The following BHMT variants were observed in gnomAD, a reference collection of about 807,000 sequenced individuals.
The protein encoded by BHMT is betaine--homocysteine S-methyltransferase.
BHMT carries 38 observed loss-of-function variants against 49.5 expected under a neutral mutation model. The observed-to-expected ratio is 0.77, with a 90% confidence interval of 0.59 to 1.01. BHMT has a LOEUF of 1.01. BHMT is among the 50% of genes least tolerant of loss of function. The pLI, the probability that BHMT is intolerant of heterozygous loss-of-function variation, is 0.00. For missense variants in BHMT, 426 were observed against 495.7 expected, an observed-to-expected ratio of 0.86 and a Z score of 1.34; for synonymous variants, 166 against 176.3, an observed-to-expected ratio of 0.94 and a Z score of 0.46.
At chr5:79,121,495 T>TCAA in intron 5 of BHMT, 130 bp downstream of exon 5, 1 of 1,283,990 alleles carries the variant, frequency 7.8e-7, no homozygotes, top group Non-Finnish European at 1.0e-6. Context: ...TGTAAGAATA[T>TCAA]TGATATTATT....
At chr5:79,125,212 C>T (rs917717843) in intron 5 of BHMT, among the ~76,000 whole-genome samples, 4 of 151,850 alleles carry the variant, frequency 2.6e-5, no homozygotes, top group African/African-American at 9.7e-5. Flanking sequence ...AATCCCAGCA[C>T]TTTGTGAGGC....
intron 3 of BHMT, 57 bp downstream of exon 3, chr5:79,119,434 C>A: frequency 7.3e-7 from 1 of 1,376,474 alleles, no homozygotes. Flanking sequence ...ATTGCATCAA[C>A]AAAGCTCCCA....
chr5:79,116,820 G>A (rs1327789652), intron 2 of BHMT, among the ~76,000 whole-genome samples: 3 of 152,116 alleles, frequency 2.0e-5, no homozygotes, highest in Admixed American at 1.3e-4. Flanking sequence ...TAGTATAAGC[G>A]ACGTCATTGA....
At chr5:79,117,678 C>T (rs182898264) in intron 2 of BHMT, among the ~76,000 whole-genome samples, 1 of 152,180 alleles carries the variant, frequency 6.6e-6, no homozygotes, top group African/African-American at 2.4e-5. Flanking sequence ...TCATCTCCAG[C>T]GTTAGCGCTG....
intron 6 of BHMT, among the ~76,000 whole-genome samples, chr5:79,126,559 T>C (rs1332112402): frequency 1.3e-5 from 2 of 152,194 alleles, no homozygotes; most frequent in African/African-American, 4.8e-5. Context: ...TTAGTTCTAG[T>C]TCCAGCTCTG....
intron 5 of BHMT, among the ~76,000 whole-genome samples, chr5:79,121,738 C>A (rs1756476202): frequency 1.3e-5 from 2 of 150,474 alleles, no homozygotes; most frequent in South Asian, 4.2e-4. Flanking sequence ...TGGCGTGAAC[C>A]CGGGAGGCGG....
intron 5 of BHMT, 83 bp downstream of exon 5, chr5:79,121,448 A>C: frequency 2.0e-6 from 3 of 1,482,620 alleles, no homozygotes; most frequent in Non-Finnish European, 2.7e-6. Flanking sequence ...ATCAGTGTAT[A>C]CTACTTTCGT....
chr5:79,125,239 C>T (rs1219650215), intron 5 of BHMT, among the ~76,000 whole-genome samples: 2 of 151,978 alleles, frequency 1.3e-5, no homozygotes, highest in Non-Finnish European at 2.9e-5. Context: ...GGGCGGATCA[C>T]AAGGTCAGGA....
At chr5:79,124,072 C>T (rs1249666467) in intron 5 of BHMT, among the ~76,000 whole-genome samples, 1 of 151,832 alleles carries the variant, frequency 6.6e-6, no homozygotes, top group Non-Finnish European at 1.5e-5. Context: ...GTTTATATGA[C>T]ATATCTAGAA....
In BHMT at chr5:79,112,959, G is replaced by A. The variant is rs7722216; in HGVS notation, c.33+1041G>A. Reference sequence around the variant, plus strand: ...AGAGGCCCCCGGAAAATGGTAGGGAGGCAGATGGGGCCAGGCCAACTGTAT... The same window carrying A: ...AGAGGCCCCCGGAAAATGGTAGGGAAGCAGATGGGGCCAGGCCAACTGTAT... On this transcript the variant is annotated intron_variant, in intron 1 of 7. Coordinates refer to ENST00000274353, the MANE Select transcript of BHMT (RefSeq NM_001713.3). Among the ~76,000 whole-genome samples, 614 of 152,292 alleles carry A rather than the reference G, an allele frequency of 4.0e-3. 3 individuals carry two copies. The highest frequency in any genetic ancestry group is 0.014 in the African/African-American group (586 of 41,566).
chr5:79,127,912 A>G lies in BHMT; in HGVS notation c.966A>G (p.Pro322=), dbSNP rs56915878. ...EELAPERGFL[P]PASEKHGSWG... ...TGGCCCCAGAAAGGGGCTTTTTGCC[A>G]CCAGCTTCAGAAAAACATGGCAGCT... Residue 322 remains proline, a synonymous_variant, in exon 7 of 8, where the codon CCA becomes CCG. Transcript: ENST00000274353. 0.016 allele frequency: 26,103 copies of G among 1,614,002 alleles called. 288 individuals are homozygous for G. Among genetic ancestry groups the G allele is most frequent in the Non-Finnish European group, 0.02 (23,204 of 1,179,966 alleles).
intron 2 of BHMT, chr5:79,116,174 G>A (rs556663914): frequency 4.6e-5 from 11 of 240,556 alleles, no homozygotes; most frequent in African/African-American, 1.1e-4. Context: ...TATCTGCAGC[G>A]CTTTTGTAAT....
In BHMT at chr5:79,115,491, A is replaced by G. The variant is rs1263642721; in HGVS notation, c.34-276A>G. Among the ~76,000 whole-genome samples, 5 of 152,202 alleles carry G rather than the reference A, an allele frequency of 3.3e-5. No individual in the cohort carries two copies. The East Asian group carries it at 9.6e-4, about 29-fold the overall frequency. On this transcript the variant is annotated intron_variant, in intron 1 of 7. Coordinates refer to ENST00000274353, the MANE Select transcript of BHMT (RefSeq NM_001713.3). Reference sequence around the variant, plus strand: ...TCCCTCAGCAGACAGTTCTTCAAACACACCTCCCACGGTGTTCTTCAAATA... The same window carrying G: ...TCCCTCAGCAGACAGTTCTTCAAACGCACCTCCCACGGTGTTCTTCAAATA...
Position 79,120,371 on chromosome 5 carries a change from G to A in BHMT, c.307G>A (p.Ala103Thr), listed in dbSNP as rs1217349455. Reference sequence around the variant, plus strand: ...TTAGGGGCAGGAAGTCAATGAAGCTGCTTGCGACATCGCCCGACAAGTGGC... The same window carrying A: ...TTAGGGGCAGGAAGTCAATGAAGCTACTTGCGACATCGCCCGACAAGTGGC... ...KISGQEVNEA[A>T]CDIARQVADE... The change falls in exon 4 of 8, where the codon GCT becomes ACT. Residue 103 changes from alanine to threonine, a missense_variant. Ala to Thr is a moderately conservative substitution (Grantham distance 58). Around this residue, in one of 3 missense-constraint regions of BHMT, gnomAD observed 321 missense variants for 355.9 expected, o/e 0.90. Transcript: ENST00000274353. 1.2e-6 allele frequency: 2 copies of A among 1,612,560 alleles called. No individual in the cohort carries two copies. Among genetic ancestry groups the A allele is most frequent in the Non-Finnish European group, 1.7e-6 (2 of 1,179,554 alleles).
intron 1 of BHMT, 144 bp from the exon 2 acceptor site, chr5:79,115,623 A>C: frequency 1.1e-6 from 1 of 912,136 alleles, no homozygotes; most frequent in Non-Finnish European, 1.6e-6. Context: ...GATAGCCATA[A>C]ATGTATATAT....
intron 3 of BHMT, 116 bp downstream of exon 3, chr5:79,119,493 T>C (rs1029830079): frequency 4.0e-6 from 3 of 757,736 alleles, no homozygotes; most frequent in Non-Finnish European, 6.2e-6. Context: ...TTTCTAATAA[T>C]ACAAAAATGA....
At chr5:79,118,176 A>G (rs1029919531) in intron 2 of BHMT, among the ~76,000 whole-genome samples, 2 of 152,188 alleles carry the variant, frequency 1.3e-5, no homozygotes, top group African/African-American at 4.8e-5. Flanking sequence ...CCTCCAGCTG[A>G]TAAAACTTTG....
rs1291653399 is a variant in BHMT, at chr5:79,115,087, T to C, written c.34-680T>C. On this transcript the variant is annotated intron_variant, in intron 1 of 7. Coordinates refer to ENST00000274353, the MANE Select transcript of BHMT (RefSeq NM_001713.3). ...CACTCATAACCTGGACTGTATAGCA[T>C]AGCTACTGTTGTGGAAACTGAATTT... is the stretch of plus-strand genomic sequence containing the variant. Among the ~76,000 whole-genome samples the C allele has an allele frequency of 2.0e-5, 3 of 152,166 alleles. No individual in the cohort carries two copies. The East Asian group carries it at 5.8e-4, about 29-fold the overall frequency.
chr5:79,125,738 C>A (rs1291561724), intron 5 of BHMT, among the ~76,000 whole-genome samples: 2 of 152,052 alleles, frequency 1.3e-5, no homozygotes, highest in African/African-American at 2.4e-5. Context: ...TCGAGACCAG[C>A]CTGGGCAACA....
Sources: allele counts gnomAD v4.1 joint callset (sites outside exome capture counted in the v4.1 genomes callset), GRCh38; gene constraint gnomAD v4.1.1; regional missense constraint gnomAD v4.1.1; transcripts MANE v1.5; gene names NCBI Gene and HGNC (gene_info 2026-07-23, HGNC 2026-07-21).